ASXL3: variants seen among roughly 807,000 people sequenced by gnomAD.
ASXL3 encodes the protein putative Polycomb group protein ASXL3.
A neutral mutation model predicts 170.6 loss-of-function variants in ASXL3; 34 were observed. The observed-to-expected ratio is 0.20, with a 90% CI of 0.15 to 0.27. The LOEUF is 0.27. Among genes scored for constraint, ASXL3 ranks in the 10% least tolerant of loss-of-function variants. ASXL3 has a pLI of 1.00. For synonymous variants in ASXL3, 1,002 were observed against 989.1 expected, an observed-to-expected ratio of 1.01 and a Z score of -0.24; for missense variants, 2,592 against 2,695.3, an observed-to-expected ratio of 0.96 and a Z score of 0.85.
chr18:33,669,857 C>T (rs1027385839), intron 5 of ASXL3, among the ~76,000 whole-genome samples: 3 of 151,966 alleles, frequency 2.0e-5, no homozygotes, highest in Non-Finnish European at 4.4e-5. Flanking sequence ...TGCTTAAGAC[C>T]CTTTTTATTA....
chr18:33,645,754 G>GT (rs5823913), intron 3 of ASXL3, among the ~76,000 whole-genome samples: 93,289 of 150,624 alleles, frequency 0.62, 29,504 homozygotes, highest in East Asian at 0.89. Flanking sequence ...CTACATGTGA[G>GT]TTTTTTTTTA....
rs1182880697 is a variant in ASXL3 at position 33,744,205 on chromosome 18, C to T, written c.4357C>T (p.Pro1453Ser). Residue 1453 changes from proline to serine, a missense_variant, in exon 12 of 12, where the codon CCT becomes TCT. Transcript: ENST00000269197. Reference sequence around the variant, plus strand: ...AAACAGGGCAGATAATTCTGGAAAACCTCAGCAACCACCAGGGGGCTTTGC... The same window carrying T: ...AAACAGGGCAGATAATTCTGGAAAATCTCAGCAACCACCAGGGGGCTTTGC... ...PRNRADNSGK[P>S]QQPPGGFAPA... 1.2e-6 allele frequency: 2 copies of T among 1,613,916 alleles called. No individual in the cohort carries two copies. The highest frequency in any genetic ancestry group is 1.1e-5 in the South Asian group (1 of 91,086).
chr18:33,658,905 C>T (rs1198960600), intron 4 of ASXL3, among the ~76,000 whole-genome samples: 3 of 152,020 alleles, frequency 2.0e-5, no homozygotes, highest in Admixed American at 2.0e-4. Flanking sequence ...TGTTGTCCTG[C>T]CCTCCCTCTG....
intron 8 of ASXL3, chr18:33,690,238 C>G (rs960403208): frequency 6.6e-6 from 1 of 152,052 alleles, no homozygotes; most frequent in Admixed American, 6.6e-5. Context: ...TTTCTCTGCC[C>G]CAGTCCAGGA....
chr18:33,680,660 T>C (rs1394712170), intron 7 of ASXL3, among the ~76,000 whole-genome samples: 3 of 152,192 alleles, frequency 2.0e-5, no homozygotes, highest in East Asian at 3.9e-4. Context: ...AAGGTCACTA[T>C]ATATTCCCAG....
chr18:33,698,146 A>G (rs2145319088), intron 8 of ASXL3, among the ~76,000 whole-genome samples: 1 of 152,230 alleles, frequency 6.6e-6, no homozygotes. Flanking sequence ...TTAAGTCAGG[A>G]GGACTTTGCC....
intron 7 of ASXL3, among the ~76,000 whole-genome samples, chr18:33,675,554 C>T (rs2066411977): frequency 6.6e-6 from 1 of 152,162 alleles, no homozygotes; most frequent in South Asian, 2.1e-4. Flanking sequence ...AACCAGAGTT[C>T]AGGGTGTTAG....
chr18:33,743,895 T>C lies in ASXL3; in HGVS notation c.4047T>C (p.Asn1349=), dbSNP rs2067714499. The C allele has an allele frequency of 1.9e-6, 3 of 1,613,854 alleles. No homozygotes were observed. In the African/African-American group the frequency reaches 4.0e-5, roughly 22 times the overall value. Reference sequence around the variant, plus strand: ...TGCCAACTCCCTCCATCGGAAACAATTTGCCAAACCTCTCCACTAGCTCTG... The same window carrying C: ...TGCCAACTCCCTCCATCGGAAACAACTTGCCAAACCTCTCCACTAGCTCTG... ...TSVPTPSIGN[N]LPNLSTSSVL... Residue 1349 remains asparagine (N), a synonymous_variant, in exon 12 of 12, where the codon AAT becomes AAC. Coordinates refer to ENST00000269197, the MANE Select transcript of ASXL3 (RefSeq NM_030632.3).
At chr18:33,635,518 T>C (rs574503870) in intron 2 of ASXL3, among the ~76,000 whole-genome samples, 1 of 152,352 alleles carries the variant, frequency 6.6e-6, no homozygotes, top group East Asian at 1.9e-4. Flanking sequence ...ATGTTATTAC[T>C]GGAAGATAAT....
chr18:33,691,294 T>C (rs1437781940), intron 8 of ASXL3, among the ~76,000 whole-genome samples: 1 of 152,092 alleles, frequency 6.6e-6, no homozygotes, highest in Non-Finnish European at 1.5e-5. Context: ...ACACTTCAGG[T>C]CACACACTAA....
Position 33,738,684 on chromosome 18 carries a change from A to AAATTCCACCTAAAGATAT in ASXL3, c.1284_1301dup (p.Ile428_Ile433dup). 1.2e-6 allele frequency: 2 copies of AAATTCCACCTAAAGATAT among 1,613,996 alleles called. No individual in the cohort carries two copies. The highest frequency in any genetic ancestry group is 1.7e-6 in the Non-Finnish European group (2 of 1,179,868). On this transcript the variant is annotated inframe_insertion, in exon 11 of 12. Coordinates refer to ENST00000269197, the MANE Select transcript of ASXL3 (RefSeq NM_030632.3). ...TGTGCTACTCTTTGCCCTATGGTAG[A>AAATTCCACCTAAAGATAT]AATTCCACCTAAAGATATAATGGCA...
intron 2 of ASXL3, among the ~76,000 whole-genome samples, chr18:33,625,550 T>C (rs961695826): frequency 6.6e-6 from 1 of 152,136 alleles, no homozygotes; most frequent in African/African-American, 2.4e-5. Flanking sequence ...GTGAGAGACA[T>C]GTTATTCTTT....
intron 8 of ASXL3, among the ~76,000 whole-genome samples, chr18:33,706,388 A>G (rs1034242363): frequency 1.3e-5 from 2 of 151,848 alleles, no homozygotes; most frequent in African/African-American, 4.8e-5. Flanking sequence ...TTGTTGGGTC[A>G]TAGAGTATGC....
intron 4 of ASXL3, among the ~76,000 whole-genome samples, chr18:33,654,664 G>A (rs1470131788): frequency 6.7e-6 from 1 of 149,346 alleles, no homozygotes; most frequent in Non-Finnish European, 1.5e-5. Context: ...ACCTGATGCA[G>A]TGTAGATCAC....
At chr18:33,645,610 T>C (rs2065904626) in intron 3 of ASXL3, among the ~76,000 whole-genome samples, 2 of 151,958 alleles carry the variant, frequency 1.3e-5, no homozygotes. Context: ...AAATGCAACA[T>C]TCCAGAAGAC....
intron 8 of ASXL3, among the ~76,000 whole-genome samples, chr18:33,720,286 T>TA (rs2067237207): frequency 6.6e-6 from 1 of 151,074 alleles, no homozygotes; most frequent in Admixed American, 6.6e-5. Context: ...AAATGTTTGT[T>TA]AAAGAAAGGA....
At chr18:33,658,424 G>A (rs533828653) in intron 4 of ASXL3, among the ~76,000 whole-genome samples, 83 of 152,140 alleles carry the variant, frequency 5.5e-4, no homozygotes, top group African/African-American at 1.9e-3. Flanking sequence ...CTATTCTCAC[G>A]TCATACGCAT....
At chr18:33,579,491 A>T (rs535152732) in intron 1 of ASXL3, among the ~76,000 whole-genome samples, 2 of 151,936 alleles carry the variant, frequency 1.3e-5, no homozygotes, top group South Asian at 4.2e-4. Context: ...CTTTTCTTTA[A>T]CCTTTCGGAG....
chr18:33,632,339 T>C (rs930308325), intron 2 of ASXL3, among the ~76,000 whole-genome samples: 4 of 152,170 alleles, frequency 2.6e-5, no homozygotes, highest in African/African-American at 7.2e-5. Context: ...TTTTCTCTTA[T>C]TACTCTACAA....
Sources: allele counts gnomAD v4.1 joint callset (sites outside exome capture counted in the v4.1 genomes callset), GRCh38; gene constraint gnomAD v4.1.1; transcripts MANE v1.5; gene names NCBI Gene and HGNC (gene_info 2026-07-23, HGNC 2026-07-21).